Variants in CCSER1 observed in about 807,000 individuals in gnomAD.
CCSER1 encodes the protein coiled-coil serine rich protein 1.
In CCSER1, 41 loss-of-function variants were observed where a neutral mutation model predicts 82.0. The ratio of observed to expected loss-of-function variants is 0.50; its 90% confidence interval spans 0.39 to 0.65. The LOEUF (loss-of-function observed/expected upper bound fraction) is 0.65. Ranked by LOEUF, CCSER1 falls within the 30% of genes least tolerant of loss-of-function variation. The probability of loss-of-function intolerance (pLI) is 0.00; values close to 1 mark genes in which losing one functional copy is unlikely to be tolerated. For missense variants in CCSER1, 1,119 were observed against 1,064.2 expected (o/e 1.05, Z -0.72); for synonymous variants, 414 against 383.9 (o/e 1.08, Z -0.92).
At chr4:90,612,919 AGTT>A (rs1720529026) in intron 5 of CCSER1, among the ~76,000 whole-genome samples, 1 of 152,134 alleles carries the variant, frequency 6.6e-6, no homozygotes. Context: ...TTGACAGGGA[AGTT>A]AAAAAAAGTC....
At position 91,287,808 on chromosome 4, in the gene CCSER1, T is replaced by C. The variant is rs17270677; in HGVS notation, c.2217+201814T>C. Reference sequence around the variant, plus strand: ...ACAGGAAGAGGCTAAGCTAATACAATAGATAGCTAGAAAGAGGGAAAGGCA... The same window carrying C: ...ACAGGAAGAGGCTAAGCTAATACAACAGATAGCTAGAAAGAGGGAAAGGCA... On this transcript the variant is annotated intron_variant, in intron 10 of 10. Transcript: ENST00000509176. Among the ~76,000 whole-genome samples the C allele has an allele frequency of 8.0e-3, 1,214 of 151,896 alleles. 5 individuals carry two copies. The highest frequency in any genetic ancestry group is 0.014 in the Non-Finnish European group (951 of 67,868).
intron 10 of CCSER1, among the ~76,000 whole-genome samples, chr4:91,338,935 G>T (rs1747513808): frequency 6.6e-6 from 1 of 152,064 alleles, no homozygotes; most frequent in African/African-American, 2.4e-5. Context: ...AGGCAGTTTG[G>T]CCAAAGATAC....
At chr4:90,216,831 G>C (rs1165346029) in intron 1 of CCSER1, among the ~76,000 whole-genome samples, 1 of 152,064 alleles carries the variant, frequency 6.6e-6, no homozygotes, top group Non-Finnish European at 1.5e-5. Flanking sequence ...TGGTCACTTG[G>C]CAACCAACAG....
At chr4:90,648,256 A>G (rs1393584035) in intron 6 of CCSER1, among the ~76,000 whole-genome samples, 1 of 112,604 alleles carries the variant, frequency 8.9e-6, no homozygotes, top group Non-Finnish European at 2.0e-5. Flanking sequence ...AAGGAAAAAA[A>G]GAAGAAAGAA....
chr4:91,059,321 T>TAC (rs1743745432), intron 9 of CCSER1, among the ~76,000 whole-genome samples: 1 of 150,404 alleles, frequency 6.6e-6, no homozygotes, highest in Admixed American at 6.7e-5. Context: ...TATATATATA[T>TAC]ACATATAGTG....
chr4:90,506,243 T>C (rs1770662968), intron 5 of CCSER1, among the ~76,000 whole-genome samples: 1 of 152,228 alleles, frequency 6.6e-6, no homozygotes, highest in Non-Finnish European at 1.5e-5. Flanking sequence ...TTAAAATTTT[T>C]TTTCAGAATT....
At chr4:90,198,459 T>C (rs1159926207) in intron 1 of CCSER1, among the ~76,000 whole-genome samples, 1 of 152,188 alleles carries the variant, frequency 6.6e-6, no homozygotes, top group African/African-American at 2.4e-5. Context: ...GTGCTAGGTT[T>C]GGTGCTATGT....
chr4:90,821,323 A>G (rs949313244), intron 8 of CCSER1, among the ~76,000 whole-genome samples: 5 of 152,222 alleles, frequency 3.3e-5, no homozygotes, highest in Admixed American at 6.5e-5. Flanking sequence ...AATGAGAACA[A>G]AAGCTATGAC....
chr4:90,666,401 A>G (rs1560912692), intron 6 of CCSER1, among the ~76,000 whole-genome samples: 4 of 152,194 alleles, frequency 2.6e-5, no homozygotes, highest in Non-Finnish European at 5.9e-5. Context: ...GCACATGAAG[A>G]GGTCAGTGAA....
chr4:90,808,957 C>T (rs1757883552), intron 7 of CCSER1, among the ~76,000 whole-genome samples: 1 of 152,106 alleles, frequency 6.6e-6, no homozygotes, highest in African/African-American at 2.4e-5. Flanking sequence ...TACCACAGCA[C>T]AATTCACAAT....
intron 10 of CCSER1, among the ~76,000 whole-genome samples, chr4:91,339,012 A>C (rs1461766021): frequency 6.6e-6 from 1 of 152,188 alleles, no homozygotes; most frequent in Non-Finnish European, 1.5e-5. Context: ...TATCATATCA[A>C]GTAATGAGTT....
At chr4:90,448,332 G>A (rs1760949403) in intron 4 of CCSER1, among the ~76,000 whole-genome samples, 2 of 150,872 alleles carry the variant, frequency 1.3e-5, no homozygotes, top group African/African-American at 4.9e-5. Context: ...ACTTGCTATA[G>A]CAAAACTGCT....
chr4:90,481,295 A>G (rs577302079), intron 5 of CCSER1, among the ~76,000 whole-genome samples: 2 of 152,302 alleles, frequency 1.3e-5, no homozygotes, highest in East Asian at 1.9e-4. Flanking sequence ...TTTTCTAGAT[A>G]TACAATCATG....
intron 5 of CCSER1, among the ~76,000 whole-genome samples, chr4:90,491,851 A>T (rs1007007251): frequency 3.9e-5 from 6 of 152,192 alleles, no homozygotes; most frequent in African/African-American, 1.2e-4. Context: ...CCAGCCTTGC[A>T]TCCCAGGGAT....
intron 3 of CCSER1, among the ~76,000 whole-genome samples, chr4:90,394,264 T>C (rs751502549): frequency 1.2e-4 from 18 of 152,116 alleles, no homozygotes; most frequent in Non-Finnish European, 2.5e-4. Flanking sequence ...AGAATATAGT[T>C]ATCTATAAGA....
chr4:91,472,509 C>T (rs1462772706), intron 10 of CCSER1, among the ~76,000 whole-genome samples: 1 of 152,102 alleles, frequency 6.6e-6, no homozygotes, highest in African/African-American at 2.4e-5. Context: ...ATTATCTTTC[C>T]AAAAGCTACT....
intron 1 of CCSER1, among the ~76,000 whole-genome samples, chr4:90,293,089 A>C (rs2035126): frequency 0.11 from 16,494 of 151,880 alleles, 2,039 homozygotes; most frequent in African/African-American, 0.29. Context: ...GTGATACCTA[A>C]AATTTATAAT....
intron 1 of CCSER1, among the ~76,000 whole-genome samples, chr4:90,281,342 T>C (rs1450229610): frequency 6.6e-6 from 1 of 151,932 alleles, no homozygotes; most frequent in Non-Finnish European, 1.5e-5. Flanking sequence ...GGTTTTTCCA[T>C]GTTGCCAGGA....
At chr4:91,417,100 A>G (rs1753411738) in intron 10 of CCSER1, among the ~76,000 whole-genome samples, 2 of 152,136 alleles carry the variant, frequency 1.3e-5, no homozygotes, top group African/African-American at 4.8e-5. Context: ...CAAACATATG[A>G]AAAAAAGCCT....
Sources: gnomAD v4.1 joint callset for allele counts (sites outside exome capture counted in the v4.1 genomes callset) on GRCh38, gnomAD v4.1.1 for gene constraint, MANE v1.5 for transcripts, NCBI Gene and HGNC (gene_info 2026-07-23, HGNC 2026-07-21) for gene names.